Variants in PTPRD observed in about 807,000 individuals in gnomAD.
The protein encoded by PTPRD is protein tyrosine phosphatase receptor type D.
PTPRD carries 34 observed loss-of-function variants against 214.5 expected under a neutral mutation model. The ratio of observed to expected loss-of-function variants is 0.16; its 90% CI spans 0.12 to 0.21. The LOEUF (loss-of-function observed/expected upper bound fraction) is 0.21. Ranked by LOEUF, PTPRD falls within the 10% of genes least tolerant of loss-of-function variation. The pLI is 1.00. For synonymous variants in PTPRD, 1,128 were observed against 845.7 expected, an observed-to-expected ratio of 1.33 and a Z score of -5.79; for missense variants, 2,545 against 2,398.7, an observed-to-expected ratio of 1.06 and a Z score of -1.27.
At chr9:9,955,829 G>T (rs1274605924) in intron 4 of PTPRD, among the ~76,000 whole-genome samples, 1 of 151,938 alleles carries the variant, frequency 6.6e-6, no homozygotes, top group Admixed American at 6.6e-5. Context: ...GCCTATTTGG[G>T]TTCTTAAGAA....
At chr9:10,166,285 A>C (rs1326000162) in intron 3 of PTPRD, among the ~76,000 whole-genome samples, 1 of 150,790 alleles carries the variant, frequency 6.6e-6, no homozygotes, top group Non-Finnish European at 1.5e-5. Flanking sequence ...GAGAAAAAAA[A>C]ATTGTTTGAA....
chr9:9,514,685 C>A (rs185290457), intron 8 of PTPRD, among the ~76,000 whole-genome samples: 2 of 152,102 alleles, frequency 1.3e-5, no homozygotes, highest in African/African-American at 4.8e-5. Flanking sequence ...CAACTGACAT[C>A]CTAAGTTTAA....
chr9:9,459,793 T>C (rs751682664), intron 8 of PTPRD, among the ~76,000 whole-genome samples: 2 of 152,044 alleles, frequency 1.3e-5, no homozygotes, highest in African/African-American at 4.8e-5. Context: ...AGATTAAATA[T>C]GATCCCTATC....
At chr9:8,735,755 C>CA (rs546201798) in intron 11 of PTPRD, among the ~76,000 whole-genome samples, 112 of 151,680 alleles carry the variant, frequency 7.4e-4, no homozygotes, top group African/African-American at 2.1e-3. Context: ...ACTAAAAACA[C>CA]AAAAAAATTA....
At chr9:9,597,535 T>A (rs1038962537) in intron 7 of PTPRD, among the ~76,000 whole-genome samples, 1 of 152,020 alleles carries the variant, frequency 6.6e-6, no homozygotes, top group Non-Finnish European at 1.5e-5. Context: ...ATGTCTGTTA[T>A]AGGAATATTC....
At chr9:9,130,150 G>A (rs187516132) in intron 10 of PTPRD, among the ~76,000 whole-genome samples, 2 of 152,146 alleles carry the variant, frequency 1.3e-5, no homozygotes. Flanking sequence ...GGGGGGCTTG[G>A]GCAATGTACA....
chr9:9,353,727 AG>A (rs2052456630), intron 9 of PTPRD, among the ~76,000 whole-genome samples: 1 of 151,916 alleles, frequency 6.6e-6, no homozygotes, highest in Non-Finnish European at 1.5e-5. Context: ...AAAACAAAAA[AG>A]AAAACAAGGA....
chr9:8,346,746 AG>A (rs2073932893), intron 39 of PTPRD, among the ~76,000 whole-genome samples: 1 of 152,150 alleles, frequency 6.6e-6, no homozygotes, highest in Non-Finnish European at 1.5e-5. Context: ...TATGCCAAAA[AG>A]CAGCTGCAAA....
chr9:10,162,013 A>C (rs1396830047), intron 3 of PTPRD, among the ~76,000 whole-genome samples: 1 of 151,660 alleles, frequency 6.6e-6, no homozygotes, highest in Non-Finnish European at 1.5e-5. Flanking sequence ...ACCCTAGTTA[A>C]AATGGTATTT....
At chr9:9,446,062 A>C (rs1206445470) in intron 8 of PTPRD, among the ~76,000 whole-genome samples, 1 of 152,200 alleles carries the variant, frequency 6.6e-6, no homozygotes, top group East Asian at 1.9e-4. Flanking sequence ...GTTTTGGATA[A>C]AGATTATTTT....
At chr9:9,117,662 A>C (rs2099813696) in intron 10 of PTPRD, among the ~76,000 whole-genome samples, 1 of 152,222 alleles carries the variant, frequency 6.6e-6, no homozygotes, top group Admixed American at 6.5e-5. Flanking sequence ...GAAAAGAATA[A>C]ATAAAAGAAT....
chr9:10,347,636 C>T (rs1283344189), intron 2 of PTPRD, among the ~76,000 whole-genome samples: 2 of 152,010 alleles, frequency 1.3e-5, no homozygotes, highest in African/African-American at 2.4e-5. Context: ...GTCTCGAATT[C>T]CCAACCTCAG....
intron 11 of PTPRD, among the ~76,000 whole-genome samples, chr9:8,884,144 G>A (rs1035268564): frequency 6.6e-6 from 1 of 152,176 alleles, no homozygotes; most frequent in African/African-American, 2.4e-5. Context: ...TGCAGTAAAC[G>A]CAGTACTTAT....
At chr9:8,822,466 C>G (rs1387693560) in intron 11 of PTPRD, among the ~76,000 whole-genome samples, 4 of 152,114 alleles carry the variant, frequency 2.6e-5, no homozygotes, top group African/African-American at 9.7e-5. Flanking sequence ...TTTGGAAATT[C>G]TCCCAGAGAG....
intron 10 of PTPRD, among the ~76,000 whole-genome samples, chr9:9,141,132 C>G (rs1269842342): frequency 6.7e-6 from 1 of 149,874 alleles, no homozygotes; most frequent in African/African-American, 2.5e-5. Context: ...TCTTCTTTTT[C>G]TCTCCTCTCT....
intron 11 of PTPRD, among the ~76,000 whole-genome samples, chr9:8,845,348 C>T (rs1173160906): frequency 6.6e-6 from 1 of 152,170 alleles, no homozygotes. Flanking sequence ...GTCGCCAAAT[C>T]GTACATGTCA....
intron 39 of PTPRD, among the ~76,000 whole-genome samples, chr9:8,346,973 T>A (rs140495747): frequency 1.3e-5 from 2 of 152,150 alleles, no homozygotes; most frequent in Non-Finnish European, 2.9e-5. Flanking sequence ...GAAAAAGGCA[T>A]TAAATTTTGG....
At position 9,679,769 on chromosome 9, in the gene PTPRD, T is replaced by C. The variant is rs185905483; in HGVS notation, c.-287+54764A>G. ...AAATCATGAAGGCCTGATTTGCCAATGCAATTGCATTTCAGTGACTCAAAG... is the reference window on the plus strand; with the variant it reads ...AAATCATGAAGGCCTGATTTGCCAACGCAATTGCATTTCAGTGACTCAAAG... On this transcript the variant is annotated intron_variant, in intron 7 of 45. Coordinates refer to ENST00000381196, the MANE Select transcript of PTPRD (RefSeq NM_002839.4). Among the ~76,000 whole-genome samples, 741 of 152,026 alleles carry C rather than the reference T, an allele frequency of 4.9e-3. 9 individuals carry two copies. Among genetic ancestry groups the C allele is most frequent in the African/African-American group, 0.017 (706 of 41,518 alleles).
At chr9:10,600,116 C>T (rs956765660) in intron 2 of PTPRD, among the ~76,000 whole-genome samples, 2 of 151,616 alleles carry the variant, frequency 1.3e-5, no homozygotes, top group Non-Finnish European at 1.5e-5. Flanking sequence ...ACATAGTATT[C>T]AAAATCTGGA....
Sources: gnomAD v4.1 joint callset for allele counts (sites outside exome capture counted in the v4.1 genomes callset) on GRCh38, gnomAD v4.1.1 for gene constraint, MANE v1.5 for transcripts, NCBI Gene and HGNC (gene_info 2026-07-23, HGNC 2026-07-21) for gene names.